Variants in LRRC49 observed in about 807,000 individuals in gnomAD.
The protein encoded by LRRC49 is leucine-rich repeat-containing protein 49.
In LRRC49, 50 loss-of-function variants were observed where a neutral mutation model predicts 83.3. The ratio of observed to expected loss-of-function variants is 0.60; its 90% CI spans 0.48 to 0.76. LRRC49 has a LOEUF of 0.76. Among genes scored for constraint, LRRC49 ranks in the 30% least tolerant of loss-of-function variants. The pLI, the probability that LRRC49 is intolerant of heterozygous loss-of-function variation, is 0.00. For missense variants in LRRC49, 704 were observed against 809.1 expected (o/e 0.87, Z 1.58); for synonymous variants, 286 against 283.3 (o/e 1.01, Z -0.10).
intron 8 of LRRC49, among the ~76,000 whole-genome samples, chr15:70,960,203 T>C (rs1240610617): frequency 1.3e-5 from 2 of 152,170 alleles, no homozygotes; most frequent in Non-Finnish European, 2.9e-5. Context: ...TAACAAGCAG[T>C]GCCAGTGTTA....
chr15:70,901,010 G>C lies in LRRC49; in HGVS notation c.282G>C (p.Arg94Ser). The change falls in exon 4 of 16, where the codon AGG (arginine) becomes AGC (serine). Residue 94 changes from arginine to serine, a missense_variant. By Grantham distance (110) the Arg-to-Ser change is moderately radical. Coordinates refer to ENST00000260382, the MANE Select transcript of LRRC49 (RefSeq NM_017691.5). ...SSEEKILYSD[R>S]LSLERQKLTV... Reference sequence around the variant, plus strand: ...AAGAGAAAATTCTTTACTCAGACAGGTTGAGCCTAGAAAGGTGAGGACAAT... The same window carrying C: ...AAGAGAAAATTCTTTACTCAGACAGCTTGAGCCTAGAAAGGTGAGGACAAT... The C allele has an allele frequency of 6.2e-7, 1 of 1,603,132 alleles. No individual in the cohort carries two copies. The highest frequency in any genetic ancestry group is 8.5e-7 in the Non-Finnish European group (1 of 1,173,312).
At chr15:70,964,955 A>T (rs2036741565) in intron 9 of LRRC49, among the ~76,000 whole-genome samples, 1 of 152,146 alleles carries the variant, frequency 6.6e-6, no homozygotes, top group Non-Finnish European at 1.5e-5. Context: ...GTGGCTAGCT[A>T]ATAGCTAAAA....
At chr15:70,948,571 A>G (rs2036097433) in intron 8 of LRRC49, among the ~76,000 whole-genome samples, 1 of 149,028 alleles carries the variant, frequency 6.7e-6, no homozygotes, top group South Asian at 2.1e-4. Flanking sequence ...TTTGATGTTC[A>G]TATTTTCTCT....
chr15:71,002,697 C>G (rs778568257), intron 11 of LRRC49, among the ~76,000 whole-genome samples: 1 of 152,022 alleles, frequency 6.6e-6, no homozygotes, highest in South Asian at 2.1e-4. Context: ...GGAATCAGCA[C>G]CACTTATTCA....
At chr15:70,871,447 G>A (rs184166023) in intron 1 of LRRC49, among the ~76,000 whole-genome samples, 2 of 151,982 alleles carry the variant, frequency 1.3e-5, no homozygotes, top group African/African-American at 4.8e-5. Context: ...ATCATGGCCC[G>A]CTCTCAATGA....
intron 9 of LRRC49, among the ~76,000 whole-genome samples, chr15:70,970,999 T>C (rs1401594702): frequency 1.3e-5 from 2 of 152,196 alleles, no homozygotes; most frequent in Non-Finnish European, 2.9e-5. Flanking sequence ...TCTGCTCTGA[T>C]CTTAGTTATT....
At chr15:70,952,216 CT>C (rs1042825538) in intron 8 of LRRC49, among the ~76,000 whole-genome samples, 208 of 137,590 alleles carry the variant, frequency 1.5e-3, no homozygotes, top group Middle Eastern at 3.7e-3. Context: ...TGGCATGAAG[CT>C]TTTTTTTTTT....
Position 71,009,877 on chromosome 15 carries a change from T to C in LRRC49, c.1478T>C (p.Ile493Thr). 1.2e-6 allele frequency: 2 copies of C among 1,612,526 alleles called. No individual in the cohort carries two copies. Among genetic ancestry groups the C allele is most frequent in the Admixed American group, 1.7e-5 (1 of 59,938 alleles). Residue 493 changes from isoleucine to threonine, a missense_variant, in exon 13 of 16, where the codon ATT becomes ACT. Ile to Thr is a moderately conservative substitution (Grantham distance 89). Around this residue, in one of 3 missense-constraint regions of LRRC49, gnomAD observed 275 missense variants for 338.0 expected, o/e 0.81. Transcript: ENST00000260382. ...QFNALAQLRRIDQLTIDPQGN... is the reference protein window; with the variant it reads ...QFNALAQLRRTDQLTIDPQGN... ...AACGCACTAGCCCAACTCCGTCGTA[T>C]TGACCAGTTGACAATTGATCCTCAA...
At chr15:70,900,521 T>C (rs747284907) in intron 3 of LRRC49, 9 of 456,870 alleles carry the variant, frequency 2.0e-5, no homozygotes, top group Non-Finnish European at 4.0e-5. Context: ...ATTCTTCCAT[T>C]AAGACACCTT....
intron 14 of LRRC49, among the ~76,000 whole-genome samples, chr15:71,036,334 G>A (rs905919705): frequency 6.6e-6 from 1 of 152,082 alleles, no homozygotes; most frequent in African/African-American, 2.4e-5. Flanking sequence ...AAACTTATGG[G>A]TGGTTTTTAT....
intron 5 of LRRC49, chr15:70,908,129 G>C (rs192457898): frequency 8.3e-5 from 34 of 409,622 alleles, no homozygotes; most frequent in East Asian, 5.0e-4. Flanking sequence ...TTTTCTTCCT[G>C]TTCACCTGGG....
In LRRC49 at chr15:70,984,120, C is replaced by A. The variant is rs199772134; in HGVS notation, c.1032C>A (p.Asn344Lys). The change falls in exon 11 of 16, where the codon AAC becomes AAA. Residue 344 changes from asparagine (N) to lysine (K), a missense_variant. Around this residue, in one of 3 missense-constraint regions of LRRC49, gnomAD observed 168 missense variants for 140.6 expected, o/e 1.20. Transcript: ENST00000260382. Reference sequence around the variant, plus strand: ...AGAAGAAAAGGTTAACAATTAACAACGTAGCTCGACAGTGGGACTTGCAAC... The same window carrying A: ...AGAAGAAAAGGTTAACAATTAACAAAGTAGCTCGACAGTGGGACTTGCAAC... ...LKEKKRLTIN[N>K]VARQWDLQQQ... The A allele has an allele frequency of 6.2e-7, 1 of 1,609,206 alleles. No homozygotes were observed.
intron 1 of LRRC49, chr15:70,860,154 C>G: frequency 1.5e-6 from 1 of 688,354 alleles, no homozygotes; most frequent in Admixed American, 2.1e-5. Flanking sequence ...TGACATCCTG[C>G]CTAAGTGAAC....
chr15:71,029,279 CAG>C (rs1367918782), intron 14 of LRRC49, among the ~76,000 whole-genome samples: 2 of 152,088 alleles, frequency 1.3e-5, no homozygotes, highest in Admixed American at 6.6e-5. Context: ...CATTCAGGAG[CAG>C]AGTGTTCAAT....
At chr15:70,912,715 C>T (rs1369380075) in intron 6 of LRRC49, among the ~76,000 whole-genome samples, 2 of 151,960 alleles carry the variant, frequency 1.3e-5, no homozygotes, top group Non-Finnish European at 2.9e-5. Context: ...CTTGCTCTGT[C>T]GCCCAGGCTG....
At chr15:71,004,244 G>T (rs2038372738) in intron 11 of LRRC49, among the ~76,000 whole-genome samples, 1 of 151,992 alleles carries the variant, frequency 6.6e-6, no homozygotes, top group South Asian at 2.1e-4. Context: ...TAGAAATATT[G>T]TTCAACCCAG....
chr15:70,900,461 A>G, intron 3 of LRRC49: 1 of 456,678 alleles, frequency 2.2e-6, no homozygotes, highest in Non-Finnish European at 4.4e-6. Context: ...TGACAGAACT[A>G]TATGGGCTGG....
chr15:70,892,845 A>C lies in LRRC49; in HGVS notation c.-50A>C. The C allele has an allele frequency of 1.2e-6, 2 of 1,614,164 alleles. No individual in the cohort carries two copies. Among genetic ancestry groups the C allele is most frequent in the South Asian group, 2.2e-5 (2 of 91,074 alleles). ...TCGGGTCTCTTTGAATCTCCGCTGT[A>C]GCGTCACCTGGAAGGCAGATCTAAC... On this transcript the variant is annotated 5_prime_UTR_variant, in exon 1 of 16. Transcript: ENST00000260382.
chr15:70,902,092 T>G (rs1254189179), intron 4 of LRRC49, among the ~76,000 whole-genome samples: 2 of 152,238 alleles, frequency 1.3e-5, no homozygotes, highest in African/African-American at 4.8e-5. Flanking sequence ...GCAGTATCTC[T>G]CATGACATCT....
Sources: allele counts gnomAD v4.1 joint callset (sites outside exome capture counted in the v4.1 genomes callset), GRCh38; gene constraint gnomAD v4.1.1; regional missense constraint gnomAD v4.1.1; transcripts MANE v1.5; gene names NCBI Gene and HGNC (gene_info 2026-07-23, HGNC 2026-07-21).